SAE1: variants seen among roughly 807,000 people sequenced by gnomAD.
The protein encoded by SAE1 is SUMO1 activating enzyme subunit 1.
SAE1 carries 11 observed loss-of-function variants against 40.6 expected under a neutral mutation model. That is an observed-to-expected ratio of 0.27 (90% CI 0.17 to 0.45). The LOEUF is 0.45. Ranked by LOEUF, SAE1 falls within the 20% of genes least tolerant of loss-of-function variation. The probability of loss-of-function intolerance (pLI) is 1.00; values close to 1 mark genes in which losing one functional copy is unlikely to be tolerated. For missense variants in SAE1, 373 were observed against 427.3 expected (o/e 0.87, Z 1.12); for synonymous variants, 155 against 154.3 (o/e 1.00, Z -0.03).
chr19:47,180,391 A>C (rs1386423424), intron 6 of SAE1: 1 of 383,156 alleles, frequency 2.6e-6, no homozygotes, highest in Non-Finnish European at 5.2e-6. Flanking sequence ...AAGAATAATC[A>C]ATTAATGTAA....
At chr19:47,201,039 T>A (rs564489010) in intron 7 of SAE1, among the ~76,000 whole-genome samples, 1 of 151,396 alleles carries the variant, frequency 6.6e-6, no homozygotes, top group African/African-American at 2.4e-5. Context: ...TTTTATTTTT[T>A]TATTTTTTTT....
At chr19:47,207,569 A>G (rs1030089295) in intron 8 of SAE1, among the ~76,000 whole-genome samples, 20 of 152,162 alleles carry the variant, frequency 1.3e-4, no homozygotes, top group African/African-American at 1.4e-4. Context: ...AGAAAGATGT[A>G]TGTGCATACA....
At chr19:47,174,795 G>A (rs111453008) in intron 6 of SAE1, among the ~76,000 whole-genome samples, 9,300 of 151,238 alleles carry the variant, frequency 0.061, 397 homozygotes, top group Non-Finnish European at 0.098. Context: ...GGATGGTCTC[G>A]ATGTTCTGAC....
intron 1 of SAE1, among the ~76,000 whole-genome samples, chr19:47,133,626 A>G (rs1215978582): frequency 2.0e-5 from 3 of 152,188 alleles, no homozygotes; most frequent in African/African-American, 7.2e-5. Flanking sequence ...GTTGAGATAA[A>G]AATATTGGTG....
Position 47,150,247 on chromosome 19 carries a change from T to G in SAE1, c.256T>G (p.Ser86Ala), listed in dbSNP as rs750874542. 4.3e-6 allele frequency: 7 copies of G among 1,613,112 alleles called. No individual in the cohort carries two copies. Among genetic ancestry groups the G allele is most frequent in the Non-Finnish European group, 5.9e-6 (7 of 1,179,762 alleles). ...PGAQFLIRTG[S>A]VGRNRAEASL... is the part of the protein sequence containing the mutation. ...AGCTCAGTTCTTGATTCGTACTGGG[T>G]CTGTTGGCCGAAATAGGGCTGAAGC... Residue 86 changes from serine to alanine, a missense_variant, in exon 3 of 9, where the codon TCT (serine) becomes GCT (alanine). Physicochemically the swap from Ser to Ala is moderately conservative, Grantham distance 99 (BLOSUM62 1). Coordinates refer to ENST00000270225, the MANE Select transcript of SAE1 (RefSeq NM_005500.3).
At chr19:47,185,294 T>A (rs186545911) in intron 6 of SAE1, among the ~76,000 whole-genome samples, 80 of 152,166 alleles carry the variant, frequency 5.3e-4, no homozygotes, top group African/African-American at 1.7e-3. Flanking sequence ...AATTTTTTTT[T>A]ATTTTTCATT....
chr19:47,149,163 CTTTTTTTTTT>C (rs958403274), intron 2 of SAE1, among the ~76,000 whole-genome samples: 2 of 86,482 alleles, frequency 2.3e-5, no homozygotes, highest in Non-Finnish European at 4.4e-5. Flanking sequence ...CACTGGTCTA[CTTTTTTTTTT>C]TTTTTTTTTT....
At chr19:47,194,902 C>G (rs1030307156) in intron 6 of SAE1, among the ~76,000 whole-genome samples, 2 of 152,028 alleles carry the variant, frequency 1.3e-5, no homozygotes, top group East Asian at 3.9e-4. Flanking sequence ...GCCACCACGC[C>G]TGGCTAATTT....
chr19:47,130,846 G>A lies in SAE1; in HGVS notation c.-85G>A. 2 of 1,540,768 alleles carry A rather than the reference G, an allele frequency of 1.3e-6. No individual in the cohort carries two copies. The highest frequency in any genetic ancestry group is 8.7e-7 in the Non-Finnish European group (1 of 1,143,158). ...GCATGCGCAGAAGCACTCCGGGCGT[G>A]CTGCCGGCGGCGGTAGGTGGCGCGC... On this transcript the variant is annotated 5_prime_UTR_variant, in exon 1 of 9. Transcript: ENST00000270225.
At chr19:47,165,533 A>G (rs1229395768) in intron 5 of SAE1, among the ~76,000 whole-genome samples, 1 of 152,108 alleles carries the variant, frequency 6.6e-6, no homozygotes, top group African/African-American at 2.4e-5. Context: ...TATGTAAGTT[A>G]CCTGTTTTCA....
In SAE1 at chr19:47,155,120, A is replaced by G; in HGVS notation, c.534A>G (p.Lys178=). The G allele has an allele frequency of 1.2e-6, 2 of 1,608,738 alleles. No homozygotes were observed. The highest frequency in any genetic ancestry group is 1.7e-6 in the Non-Finnish European group (2 of 1,175,206). The part of the protein sequence containing the change: ...NLGEHEFVEE[K]TKVAKVSQGV... ...TCCCCTTGTCACCCTCTAGGGAGAA[A>G]ACTAAAGTTGCCAAAGTTAGCCAAG... Residue 178 remains lysine, a synonymous_variant, in exon 5 of 9, where the codon AAA becomes AAG. Coordinates refer to ENST00000270225, the MANE Select transcript of SAE1 (RefSeq NM_005500.3).
intron 6 of SAE1, among the ~76,000 whole-genome samples, chr19:47,190,683 G>A (rs2058573050): frequency 6.6e-6 from 1 of 152,302 alleles, no homozygotes; most frequent in Middle Eastern, 3.4e-3. Flanking sequence ...ACAGGCAAGG[G>A]TCCCAGAGAA....
intron 5 of SAE1, among the ~76,000 whole-genome samples, chr19:47,165,820 T>A (rs1568596225): frequency 6.6e-6 from 1 of 152,172 alleles, no homozygotes; most frequent in Non-Finnish European, 1.5e-5. Context: ...ACTACTGTTA[T>A]CTGAGAGGAG....
chr19:47,191,256 CA>C (rs1417474300), intron 6 of SAE1, among the ~76,000 whole-genome samples: 1 of 151,914 alleles, frequency 6.6e-6, no homozygotes, highest in Non-Finnish European at 1.5e-5. Context: ...AGTAAAAATA[CA>C]AAAGTTATTT....
At chr19:47,201,340 C>T (rs1364469469) in intron 7 of SAE1, among the ~76,000 whole-genome samples, 1 of 139,732 alleles carries the variant, frequency 7.2e-6, no homozygotes, top group East Asian at 2.1e-4. Flanking sequence ...AGCCACTGCA[C>T]CTGGCCTGTT....
At chr19:47,143,754 C>A in intron 2 of SAE1, 149 bp downstream of exon 2, 1 of 630,390 alleles carries the variant, frequency 1.6e-6, no homozygotes, top group Non-Finnish European at 2.8e-6. Flanking sequence ...ACTGAAGGTG[C>A]TATTGTTGGG....
intron 5 of SAE1, among the ~76,000 whole-genome samples, chr19:47,164,794 A>G (rs1600174861): frequency 6.6e-6 from 1 of 151,262 alleles, no homozygotes; most frequent in Admixed American, 6.6e-5. Context: ...AACTACAGGC[A>G]CCTGCCACCA....
At chr19:47,139,614 G>A (rs2123184571) in intron 1 of SAE1, among the ~76,000 whole-genome samples, 1 of 142,974 alleles carries the variant, frequency 7.0e-6, no homozygotes, top group Non-Finnish European at 1.5e-5. Flanking sequence ...TTGAGACAGA[G>A]TCTCACTCTT....
chr19:47,201,883 T>G lies in SAE1; in HGVS notation c.879-1788T>G, dbSNP rs369251904. 7.3e-4 allele frequency among the ~76,000 whole-genome samples: 111 copies of G among 152,282 alleles called. 5 individuals are homozygous for G. In the South Asian group the frequency reaches 0.023, roughly 31 times the overall value. On this transcript the variant is annotated intron_variant, in intron 7 of 8. Transcript: ENST00000270225. ...CCTGACCTCAAATGATCCACCCGCC[T>G]TGGCCTCCCAAAGTGCTGGGATTAC...
Sources: allele counts gnomAD v4.1 joint callset (sites outside exome capture counted in the v4.1 genomes callset), GRCh38; gene constraint gnomAD v4.1.1; transcripts MANE v1.5; gene names NCBI Gene and HGNC (gene_info 2026-07-23, HGNC 2026-07-21).